LRMDA: variants seen among roughly 807,000 people sequenced by gnomAD.
LRMDA encodes leucine-rich melanocyte differentiation-associated protein.
In LRMDA, 18 loss-of-function variants were observed where a neutral mutation model predicts 29.8. The observed-to-expected ratio is 0.60, with a 90% CI of 0.42 to 0.90. LRMDA has a LOEUF of 0.90. LRMDA is among the 40% of genes least tolerant of loss of function. The probability of loss-of-function intolerance (pLI) is 0.00; values close to 1 mark genes in which losing one functional copy is unlikely to be tolerated. For missense variants in LRMDA, 273 were observed against 273.9 expected, an observed-to-expected ratio of 1.00 and a Z score of 0.02; for synonymous variants, 125 against 109.4, an observed-to-expected ratio of 1.14 and a Z score of -0.89.
chr10:75,603,356 C>T (rs1840912356), intron 2 of LRMDA, among the ~76,000 whole-genome samples: 1 of 152,074 alleles, frequency 6.6e-6, no homozygotes, highest in Admixed American at 6.6e-5. Flanking sequence ...TGGCAGTACC[C>T]AGGGCCACGA....
At chr10:75,634,644 A>G (rs896287615) in intron 2 of LRMDA, among the ~76,000 whole-genome samples, 1 of 152,262 alleles carries the variant, frequency 6.6e-6, no homozygotes, top group Admixed American at 6.5e-5. Context: ...AATTGAAAAC[A>G]GAGGTATAAG....
At chr10:75,462,367 G>A (rs966104344) in intron 2 of LRMDA, among the ~76,000 whole-genome samples, 1 of 152,226 alleles carries the variant, frequency 6.6e-6, no homozygotes, top group East Asian at 1.9e-4. Context: ...TCAGCGGCAG[G>A]TGTAGTCTCT....
chr10:76,138,490 T>C (rs561187499), intron 5 of LRMDA, among the ~76,000 whole-genome samples: 50 of 152,296 alleles, frequency 3.3e-4, no homozygotes, highest in African/African-American at 1.2e-3. Flanking sequence ...TCCTCAATTA[T>C]AGTCTTAAAC....
chr10:75,722,280 C>T (rs1298048435), intron 2 of LRMDA, among the ~76,000 whole-genome samples: 1 of 152,044 alleles, frequency 6.6e-6, no homozygotes, highest in African/African-American at 2.4e-5. Flanking sequence ...AGGCCTCAAA[C>T]CCCTCACTTG....
intron 2 of LRMDA, among the ~76,000 whole-genome samples, chr10:75,878,189 G>A (rs1369656778): frequency 6.6e-6 from 1 of 152,108 alleles, no homozygotes; most frequent in Admixed American, 6.5e-5. Flanking sequence ...TTATCCCAAG[G>A]ACAGAGGGCT....
intron 6 of LRMDA, among the ~76,000 whole-genome samples, chr10:76,483,314 G>A (rs895929367): frequency 3.3e-5 from 5 of 151,912 alleles, no homozygotes; most frequent in African/African-American, 4.8e-5. Context: ...TTTGATGGTA[G>A]TATACAGACA....
In LRMDA at chr10:75,431,705, C is replaced by A; in HGVS notation, c.-20C>A. The A allele has an allele frequency of 7.6e-7, 1 of 1,314,342 alleles. No individual in the cohort carries two copies. The highest frequency in any genetic ancestry group is 9.7e-7 in the Non-Finnish European group (1 of 1,034,868). The allele number at this position is 1,314,342 out of a possible 1,614,324, so 81.4% of individuals were successfully genotyped here. On this transcript the variant is annotated 5_prime_UTR_variant, in exon 1 of 7. Coordinates refer to ENST00000611255, the MANE Select transcript of LRMDA (RefSeq NM_001305581.2). ...GCGCCCCCGCGCTCCGTCCCGCGCGCCCGCAGCGTCCTGGCCGCCATGGCC... is the reference window on the plus strand; with the variant it reads ...GCGCCCCCGCGCTCCGTCCCGCGCGACCGCAGCGTCCTGGCCGCCATGGCC...
intron 2 of LRMDA, among the ~76,000 whole-genome samples, chr10:75,516,275 G>A (rs1039961014): frequency 2.6e-5 from 4 of 152,114 alleles, no homozygotes; most frequent in Non-Finnish European, 4.4e-5. Flanking sequence ...TTGAGGAATC[G>A]CCACACTGTC....
At chr10:76,363,260 AAGG>A (rs1841348796) in intron 6 of LRMDA, among the ~76,000 whole-genome samples, 1 of 61,140 alleles carries the variant, frequency 1.6e-5, no homozygotes, top group African/African-American at 6.5e-5. Flanking sequence ...AGAAAGAAGG[AAGG>A]AAGGAAGGAA....
intron 6 of LRMDA, among the ~76,000 whole-genome samples, chr10:76,443,256 C>T (rs942832585): frequency 1.3e-5 from 2 of 152,138 alleles, no homozygotes; most frequent in Non-Finnish European, 2.9e-5. Context: ...AGGGGGCTTT[C>T]TATTTTGCAT....
chr10:75,464,212 G>A (rs1257506551), intron 2 of LRMDA, among the ~76,000 whole-genome samples: 3 of 152,256 alleles, frequency 2.0e-5, no homozygotes, highest in African/African-American at 7.2e-5. Context: ...GGCTGTAGGG[G>A]TCGGGGACAG....
chr10:75,850,572 T>A (rs1317096286), intron 2 of LRMDA, among the ~76,000 whole-genome samples: 5 of 152,252 alleles, frequency 3.3e-5, no homozygotes, highest in Non-Finnish European at 7.3e-5. Flanking sequence ...AGGTACACTT[T>A]GGCCTGAGAG....
At chr10:75,568,847 G>A (rs1297777160) in intron 2 of LRMDA, among the ~76,000 whole-genome samples, 2 of 152,216 alleles carry the variant, frequency 1.3e-5, no homozygotes, top group Non-Finnish European at 2.9e-5. Context: ...CTGGGAGATT[G>A]TAGCCCAAGA....
chr10:75,660,152 T>C (rs902478230), intron 2 of LRMDA, among the ~76,000 whole-genome samples: 3 of 152,208 alleles, frequency 2.0e-5, no homozygotes, highest in Non-Finnish European at 4.4e-5. Flanking sequence ...TTCCATTTAT[T>C]GTAAAATATT....
rs1049846501 is a variant in LRMDA, at chr10:76,413,888, G to A, written c.601+89403G>A. On this transcript the variant is annotated intron_variant, in intron 6 of 6. Coordinates refer to ENST00000611255, the MANE Select transcript of LRMDA (RefSeq NM_001305581.2). The stretch of plus-strand genomic sequence containing the variant: ...TGGTAAAGAAAATTTCTAATAAGAT[G>A]ATTATCTCACATCATCCTGACAAAA... Among the ~76,000 whole-genome samples, 4 of 152,244 alleles carry A rather than the reference G, an allele frequency of 2.6e-5. No homozygotes were observed. In the East Asian group the frequency reaches 7.8e-4, roughly 30 times the overall value.
intron 2 of LRMDA, among the ~76,000 whole-genome samples, chr10:75,777,255 G>T (rs1412840600): frequency 6.6e-6 from 1 of 152,088 alleles, no homozygotes; most frequent in African/African-American, 2.4e-5. Context: ...ACCCAACAAG[G>T]CTTTCTGGAA....
At chr10:75,664,409 G>A (rs951903711) in intron 2 of LRMDA, among the ~76,000 whole-genome samples, 2 of 152,230 alleles carry the variant, frequency 1.3e-5, no homozygotes. Flanking sequence ...CAGGCAATGG[G>A]CTTGGTGCCA....
intron 2 of LRMDA, among the ~76,000 whole-genome samples, chr10:75,994,665 C>T (rs75103642): frequency 0.019 from 2,949 of 152,330 alleles, 46 homozygotes; most frequent in Non-Finnish European, 0.029. Context: ...CCTGCTTCCC[C>T]TCTTCAGGGC....
chr10:76,059,649 G>C (rs1047822730), intron 5 of LRMDA, among the ~76,000 whole-genome samples: 1 of 152,212 alleles, frequency 6.6e-6, no homozygotes, highest in African/African-American at 2.4e-5. Context: ...TGATATCCTA[G>C]AAGTCTAGTT....
Sources: allele counts gnomAD v4.1 joint callset (sites outside exome capture counted in the v4.1 genomes callset), GRCh38; gene constraint gnomAD v4.1.1; transcripts MANE v1.5; gene names NCBI Gene and HGNC (gene_info 2026-07-23, HGNC 2026-07-21).